PTPRN2: variants seen among roughly 807,000 people sequenced by gnomAD.
PTPRN2 encodes the protein receptor-type tyrosine-protein phosphatase N2.
Under a neutral mutation model 118.8 loss-of-function variants are expected in PTPRN2, and 74 were observed. That is an observed-to-expected ratio of 0.62 (90% CI 0.52 to 0.76). PTPRN2 has a LOEUF of 0.76. Ranked by LOEUF, PTPRN2 falls within the 30% of genes least tolerant of loss-of-function variation. PTPRN2 has a pLI of 0.00. For synonymous variants in PTPRN2, 641 were observed against 608.0 expected (o/e 1.05, Z -0.80); for missense variants, 1,481 against 1,394.4 (o/e 1.06, Z -0.99).
chr7:157,945,611 A>G (rs913517758), intron 11 of PTPRN2, among the ~76,000 whole-genome samples: 7 of 151,872 alleles, frequency 4.6e-5, no homozygotes, highest in African/African-American at 1.2e-4. Flanking sequence ...CACCTCAGAC[A>G]ATGGCGCCTC....
intron 3 of PTPRN2, among the ~76,000 whole-genome samples, chr7:158,222,063 A>C (rs750669492): frequency 6.6e-6 from 1 of 152,214 alleles, no homozygotes; most frequent in Non-Finnish European, 1.5e-5. Flanking sequence ...ATTTTTAAAA[A>C]GTCAAAAAAT....
intron 11 of PTPRN2, among the ~76,000 whole-genome samples, chr7:158,071,731 TGGTG>T (rs1811812924): frequency 8.2e-6 from 1 of 121,850 alleles, no homozygotes; most frequent in Admixed American, 7.8e-5. Context: ...GAGGTGCTCG[TGGTG>T]GTGGAGGTGC....
rs925912200 is a variant in PTPRN2 at position 157,944,023 on chromosome 7, GT to G, written c.1724-45287del. Among the ~76,000 whole-genome samples, 15 of 152,146 alleles carry G rather than the reference GT, an allele frequency of 9.9e-5. No homozygotes were observed. Among genetic ancestry groups the G allele is most frequent in the Non-Finnish European group, 2.1e-4 (14 of 68,030 alleles). ...TGCCACTTTTCTCCACGTTGTAAGG[GT>G]TTTAAACCAATGTTTCTAAGGGAGC... On this transcript the variant is annotated intron_variant, in intron 11 of 22. Transcript: ENST00000389418. The surrounding 1 kb of genome is among the most constrained non-coding windows in gnomAD (Gnocchi z 4.3).
chr7:158,150,501 G>T (rs1230608914), intron 6 of PTPRN2, among the ~76,000 whole-genome samples: 1 of 152,158 alleles, frequency 6.6e-6, no homozygotes, highest in African/African-American at 2.4e-5. Context: ...GACCTTCACT[G>T]CAAAGCTAAC....
At chr7:158,108,013 C>T (rs1251586515) in intron 10 of PTPRN2, among the ~76,000 whole-genome samples, 1 of 151,500 alleles carries the variant, frequency 6.6e-6, no homozygotes, top group Non-Finnish European at 1.5e-5. Flanking sequence ...CTACTGCAGG[C>T]CCACACACCT....
rs1298019447 is a variant in PTPRN2 at position 158,151,662 on chromosome 7, C to G, written c.911-13147G>C. Among the ~76,000 whole-genome samples the G allele has an allele frequency of 5.9e-5, 9 of 152,194 alleles. No individual in the cohort carries two copies. The South Asian group carries it at 1.9e-3, about 32-fold the overall frequency. ...TGAAATACTCCCCCGCCCCCTCCTT[C>G]TTCCCTCTTGTTTCCTTTCCCTTCT... On this transcript the variant is annotated intron_variant, in intron 6 of 22. Transcript: ENST00000389418.
chr7:158,005,681 G>C (rs929807535), intron 11 of PTPRN2, among the ~76,000 whole-genome samples: 1 of 152,238 alleles, frequency 6.6e-6, no homozygotes, highest in East Asian at 1.9e-4. Flanking sequence ...CCTCTGGTCA[G>C]TCACTGCACA....
chr7:158,139,917 G>A (rs1819212077), intron 6 of PTPRN2, among the ~76,000 whole-genome samples: 1 of 152,220 alleles, frequency 6.6e-6, no homozygotes, highest in African/African-American at 2.4e-5. Flanking sequence ...GAGGGTAAAG[G>A]AGAGACATTT....
At chr7:157,888,495 GC>G (rs1233372851) in intron 12 of PTPRN2, among the ~76,000 whole-genome samples, 1 of 152,072 alleles carries the variant, frequency 6.6e-6, no homozygotes, top group Non-Finnish European at 1.5e-5. Context: ...TGCTCCAGGG[GC>G]CCCGTCAGGA....
intron 2 of PTPRN2, among the ~76,000 whole-genome samples, chr7:158,368,459 A>T (rs1280137928): frequency 6.6e-6 from 1 of 152,264 alleles, no homozygotes. Flanking sequence ...ATGACCAGGT[A>T]GATGAAGTAG....
intron 6 of PTPRN2, among the ~76,000 whole-genome samples, chr7:158,140,493 C>A (rs954376291): frequency 1.3e-5 from 2 of 152,162 alleles, no homozygotes; most frequent in Non-Finnish European, 2.9e-5. Flanking sequence ...ATAAGGAGGC[C>A]ACATCCACAC....
At chr7:157,749,999 C>T (rs552245316) in intron 12 of PTPRN2, among the ~76,000 whole-genome samples, 1 of 151,834 alleles carries the variant, frequency 6.6e-6, no homozygotes, top group East Asian at 1.9e-4. Context: ...GGCCTGTGTC[C>T]CTGAGCTGTA....
intron 1 of PTPRN2, among the ~76,000 whole-genome samples, chr7:158,493,726 C>A (rs1256216892): frequency 1.4e-5 from 1 of 73,800 alleles, no homozygotes; most frequent in Non-Finnish European, 2.8e-5. Flanking sequence ...CCTGCAGACA[C>A]GTACACGTAT....
Position 157,808,501 on chromosome 7 carries a change from C to T in PTPRN2, c.1788+90172G>A, listed in dbSNP as rs908347911. ...CTGTGCATGTGAGGGATCCAGGTTG[C>T]ACGCTCCTTATGAAAATCTAATGCC... On this transcript the variant is annotated intron_variant, in intron 12 of 22. Coordinates refer to ENST00000389418, the MANE Select transcript of PTPRN2 (RefSeq NM_002847.5). The surrounding 1 kb of genome is among the most constrained non-coding windows in gnomAD (Gnocchi z 5.0). 6.6e-6 allele frequency among the ~76,000 whole-genome samples: 1 copy of T among 152,116 alleles called. No homozygotes were observed. Among genetic ancestry groups the T allele is most frequent in the African/African-American group, 2.4e-5 (1 of 41,412 alleles).
chr7:158,340,813 CAT>C (rs67196684), intron 2 of PTPRN2, among the ~76,000 whole-genome samples: 12,832 of 50,542 alleles, frequency 0.25, 1,082 homozygotes, highest in African/African-American at 0.31. Flanking sequence ...CACACCCACA[CAT>C]GTCACTCACA....
At chr7:157,656,997 T>C (rs1585185621) in intron 13 of PTPRN2, among the ~76,000 whole-genome samples, 1 of 116,432 alleles carries the variant, frequency 8.6e-6, no homozygotes, top group African/African-American at 3.4e-5. Context: ...ATCACACATA[T>C]ACACACACAT....
At chr7:157,900,794 C>A (rs1372793517) in intron 11 of PTPRN2, among the ~76,000 whole-genome samples, 1 of 152,190 alleles carries the variant, frequency 6.6e-6, no homozygotes, top group Non-Finnish European at 1.5e-5. Context: ...CCCTGCATAA[C>A]AGAATTGTAA....
chr7:157,976,975 A>C (rs1265297242), intron 11 of PTPRN2, among the ~76,000 whole-genome samples: 1 of 151,946 alleles, frequency 6.6e-6, no homozygotes, highest in East Asian at 1.9e-4. Flanking sequence ...CTGTCATGCC[A>C]GGAATCGTTA....
rs142728566 is a variant in PTPRN2, at chr7:158,144,647, G to C, written c.911-6132C>G. Among the ~76,000 whole-genome samples the C allele has an allele frequency of 1.0e-3, 156 of 152,146 alleles. 1 individual carries two copies. The highest frequency in any genetic ancestry group is 1.8e-3 in the Non-Finnish European group (123 of 67,992). ...GAGCGAGAGAAGGGGAAGGGGAAGG[G>C]GAAGGAGAAGGGGGACATCAGCAGG... On this transcript the variant is annotated intron_variant, in intron 6 of 22. Transcript: ENST00000389418.
Sources: allele counts gnomAD v4.1 joint callset (sites outside exome capture counted in the v4.1 genomes callset), GRCh38; gene constraint gnomAD v4.1.1; non-coding constraint Gnocchi (gnomAD v3.1); transcripts MANE v1.5; gene names NCBI Gene and HGNC (gene_info 2026-07-23, HGNC 2026-07-21).